The following ZDHHC7 variants were observed in gnomAD, a reference collection of about 807,000 sequenced individuals.
ZDHHC7 encodes palmitoyltransferase ZDHHC7.
A neutral mutation model predicts 34.1 loss-of-function variants in ZDHHC7; 12 were observed. The ratio of observed to expected loss-of-function variants is 0.35; its 90% CI spans 0.23 to 0.57. The LOEUF is 0.57. Among genes scored for constraint, ZDHHC7 ranks in the 20% least tolerant of loss-of-function variants. The probability of loss-of-function intolerance (pLI) is 0.84; values close to 1 mark genes in which losing one functional copy is unlikely to be tolerated. For missense variants in ZDHHC7, 388 were observed against 402.7 expected, an observed-to-expected ratio of 0.96 and a Z score of 0.31; for synonymous variants, 185 against 155.4, an observed-to-expected ratio of 1.19 and a Z score of -1.42.
chr16:84,988,863 C>G (rs1413833457), intron 3 of ZDHHC7: 2 of 1,551,748 alleles, frequency 1.3e-6, no homozygotes, highest in East Asian at 4.9e-5. Flanking sequence ...TCGGCAGTCA[C>G]TGGATTTTTC....
At chr16:84,977,673 G>T (rs16975072) in intron 6 of ZDHHC7, among the ~76,000 whole-genome samples, 12,336 of 152,228 alleles carry the variant, frequency 0.081, 1,122 homozygotes, top group African/African-American at 0.23. Flanking sequence ...GGTCACTCAC[G>T]TAAGCAACGT....
At chr16:84,986,479 C>T (rs1440126959) in intron 3 of ZDHHC7, among the ~76,000 whole-genome samples, 1 of 152,222 alleles carries the variant, frequency 6.6e-6, no homozygotes, top group Non-Finnish European at 1.5e-5. Flanking sequence ...GCCGAGAAGG[C>T]TCGTAGGCAT....
chr16:85,024,113 T>A, the ZDHHC7 span, among the ~76,000 whole-genome samples: 1 of 152,136 alleles, frequency 6.6e-6, no homozygotes, highest in Non-Finnish European at 1.5e-5. Context: ...AGATGAGGTT[T>A]CACCATGATG....
At chr16:84,990,897 C>T (rs1413632486) in intron 2 of ZDHHC7, among the ~76,000 whole-genome samples, 1 of 152,192 alleles carries the variant, frequency 6.6e-6, no homozygotes, top group African/African-American at 2.4e-5. Context: ...TGGCCACATA[C>T]AAAGATTATG....
chr16:85,014,839 G>C (rs765731441), upstream of ZDHHC7, among the ~76,000 whole-genome samples: 5 of 152,110 alleles, frequency 3.3e-5, no homozygotes, highest in Non-Finnish European at 5.9e-5. Context: ...ATTTTAGGGA[G>C]ACAAAACATC....
rs146120053 is a variant in ZDHHC7, at chr16:84,983,142, C to T, written c.316-1148G>A. On this transcript the variant is annotated intron_variant, in intron 3 of 7. Transcript: ENST00000313732. ...CTCTTAGCCTGGATCCTGCACTTCACGTAGAAATCACAGATCTGGAGAATG... is the reference window on the plus strand; with the variant it reads ...CTCTTAGCCTGGATCCTGCACTTCATGTAGAAATCACAGATCTGGAGAATG... Among the ~76,000 whole-genome samples the T allele has an allele frequency of 3.7e-4, 56 of 152,290 alleles. 2 individuals carry two copies. Among genetic ancestry groups the T allele is most frequent in the Admixed American group, 3.4e-3 (52 of 15,302 alleles).
chr16:85,009,273 T>C (rs752789981), intron 1 of ZDHHC7, among the ~76,000 whole-genome samples: 2 of 152,110 alleles, frequency 1.3e-5, no homozygotes, highest in Non-Finnish European at 2.9e-5. Context: ...CAGGTAAGTT[T>C]CAGTAAGAAT....
intron 1 of ZDHHC7, among the ~76,000 whole-genome samples, chr16:85,007,567 A>G (rs2072734495): frequency 6.6e-6 from 1 of 151,988 alleles, no homozygotes; most frequent in Admixed American, 6.6e-5. Flanking sequence ...ATAGTAAATG[A>G]TAATTCACAG....
intron 1 of ZDHHC7, among the ~76,000 whole-genome samples, chr16:85,001,949 T>C (rs2072658603): frequency 6.6e-6 from 1 of 152,092 alleles, no homozygotes; most frequent in South Asian, 2.1e-4. Context: ...CAAGATGAGC[T>C]TGGAGCATCT....
At chr16:85,022,897 A>G in the ZDHHC7 span, among the ~76,000 whole-genome samples, 2 of 152,290 alleles carry the variant, frequency 1.3e-5, no homozygotes, top group East Asian at 1.9e-4. Flanking sequence ...GGGACATCCT[A>G]TGGAACAACT....
chr16:84,977,413 C>G, intron 6 of ZDHHC7, 188 bp from the exon 7 acceptor site: 1 of 645,404 alleles, frequency 1.5e-6, no homozygotes, highest in Non-Finnish European at 2.6e-6. Context: ...AGCAAAAATT[C>G]ATACCATGAC....
At chr16:84,986,120 A>G (rs2072433700) in intron 3 of ZDHHC7, among the ~76,000 whole-genome samples, 2 of 152,198 alleles carry the variant, frequency 1.3e-5, no homozygotes, top group Non-Finnish European at 2.9e-5. Flanking sequence ...AAACAAAAGA[A>G]TGAGTGAGAT....
upstream of ZDHHC7, among the ~76,000 whole-genome samples, chr16:85,012,797 C>T (rs1174651554): frequency 6.6e-6 from 1 of 151,946 alleles, no homozygotes; most frequent in Non-Finnish European, 1.5e-5. Flanking sequence ...CTCAGCTACT[C>T]GGGAGGCTGA....
At chr16:84,992,209 C>T (rs1034423608) in intron 2 of ZDHHC7, among the ~76,000 whole-genome samples, 6 of 151,744 alleles carry the variant, frequency 4.0e-5, no homozygotes, top group South Asian at 2.1e-4. Context: ...GTGGCTCATA[C>T]CTGTAACCCC....
chr16:85,003,368 GA>G (rs1349325765), intron 1 of ZDHHC7, among the ~76,000 whole-genome samples: 1 of 152,210 alleles, frequency 6.6e-6, no homozygotes, highest in Non-Finnish European at 1.5e-5. Flanking sequence ...TCAAGGTGGG[GA>G]AGGCTACAGA....
chr16:84,987,184 C>T (rs1369660512), intron 3 of ZDHHC7, among the ~76,000 whole-genome samples: 2 of 152,248 alleles, frequency 1.3e-5, no homozygotes, highest in African/African-American at 4.8e-5. Context: ...GCGTACTCCC[C>T]CTTCCTCAGT....
At chr16:85,015,938 C>G (rs2072832314), upstream of ZDHHC7, among the ~76,000 whole-genome samples, 1 of 152,112 alleles carries the variant, frequency 6.6e-6, no homozygotes, top group African/African-American at 2.4e-5. Flanking sequence ...AATTTGGTGT[C>G]ATATGACAAA....
At chr16:85,001,372 G>A (rs961368785) in intron 1 of ZDHHC7, among the ~76,000 whole-genome samples, 2 of 150,292 alleles carry the variant, frequency 1.3e-5, no homozygotes, top group Admixed American at 6.7e-5. Flanking sequence ...TTGGGCAGCT[G>A]AGGCAGGAAA....
upstream of ZDHHC7, among the ~76,000 whole-genome samples, chr16:85,015,468 A>C (rs2072830348): frequency 6.6e-6 from 1 of 152,058 alleles, no homozygotes; most frequent in African/African-American, 2.4e-5. Context: ...ATCAAGAAAA[A>C]CACCTGAATA....
Sources: allele counts gnomAD v4.1 joint callset (sites outside exome capture counted in the v4.1 genomes callset), GRCh38; gene constraint gnomAD v4.1.1; transcripts MANE v1.5; gene names NCBI Gene and HGNC (gene_info 2026-07-23, HGNC 2026-07-21).